Variants in MGAT4C observed in about 807,000 individuals in gnomAD.
MGAT4C encodes alpha-1,3-mannosyl-glycoprotein 4-beta-N-acetylglucosaminyltransferase C.
MGAT4C carries 19 observed loss-of-function variants against 40.1 expected under a neutral mutation model. That is an observed-to-expected ratio of 0.47 (90% CI 0.33 to 0.70). The LOEUF is 0.70. Among genes scored for constraint, MGAT4C ranks in the 30% least tolerant of loss-of-function variants. The pLI is 0.02. For synonymous variants in MGAT4C, 181 were observed against 187.1 expected (o/e 0.97, Z 0.27); for missense variants, 491 against 563.2 (o/e 0.87, Z 1.30).
At chr12:86,688,018 T>C (rs1783970441) in intron 2 of MGAT4C, among the ~76,000 whole-genome samples, 1 of 152,208 alleles carries the variant, frequency 6.6e-6, no homozygotes, top group African/African-American at 2.4e-5. Context: ...TGGGTGCTCC[T>C]GTACTGGGTG....
intron 2 of MGAT4C, among the ~76,000 whole-genome samples, chr12:86,625,338 C>A (rs924488180): frequency 6.6e-6 from 1 of 151,832 alleles, no homozygotes; most frequent in East Asian, 1.9e-4. Context: ...TGACAATGGA[C>A]TAATACACTA....
At chr12:86,042,006 G>A (rs1241822973) in intron 2 of MGAT4C, among the ~76,000 whole-genome samples, 1 of 152,144 alleles carries the variant, frequency 6.6e-6, no homozygotes, top group Non-Finnish European at 1.5e-5. Flanking sequence ...TGTGTTGGGT[G>A]TATATATATT....
chr12:86,731,197 G>C (rs1437309549), intron 1 of MGAT4C, among the ~76,000 whole-genome samples: 1 of 152,078 alleles, frequency 6.6e-6, no homozygotes. Flanking sequence ...GGTGGTAGCT[G>C]TTCTGTATAA....
At chr12:86,612,739 C>CAA (rs767088175) in intron 2 of MGAT4C, among the ~76,000 whole-genome samples, 148 of 58,378 alleles carry the variant, frequency 2.5e-3, no homozygotes, top group African/African-American at 5.7e-3. Flanking sequence ...GACTCTGTCT[C>CAA]AAAAAAAAAA....
intron 2 of MGAT4C, among the ~76,000 whole-genome samples, chr12:86,720,988 C>T (rs1005379477): frequency 2.0e-5 from 3 of 152,040 alleles, no homozygotes; most frequent in Admixed American, 6.6e-5. Context: ...CTTACATACT[C>T]ACATGAAAAA....
intron 1 of MGAT4C, among the ~76,000 whole-genome samples, chr12:86,235,124 A>G (rs1951479267): frequency 6.6e-6 from 1 of 151,976 alleles, no homozygotes; most frequent in Non-Finnish European, 1.5e-5. Flanking sequence ...GTTTATTTAT[A>G]TTTGTATGGC....
intron 2 of MGAT4C, among the ~76,000 whole-genome samples, chr12:86,480,630 A>ACATAT (rs1957921902): frequency 5.3e-5 from 8 of 151,482 alleles, no homozygotes; most frequent in East Asian, 3.9e-4. Context: ...ATGTATGTAT[A>ACATAT]AGTAGTTAAT....
chr12:86,124,697 G>A lies in MGAT4C; in HGVS notation c.-56-74974C>T, dbSNP rs562283115. Among the ~76,000 whole-genome samples the A allele has an allele frequency of 1.5e-3, 225 of 152,212 alleles. 1 individual carries two copies. The highest frequency in any genetic ancestry group is 5.2e-3 in the African/African-American group (218 of 41,552). On this transcript the variant is annotated intron_variant, in intron 1 of 4. Coordinates refer to ENST00000611864, the MANE Select transcript of MGAT4C (RefSeq NM_001351288.2). ...ACCAGATAGGCTATTCAGAGAGGTG[G>A]AAGAGGTTGCTTCAGGTACTAGGAT...
intron 1 of MGAT4C, among the ~76,000 whole-genome samples, chr12:86,242,069 A>G (rs1493420): frequency 0.83 from 126,861 of 152,070 alleles, 53,009 homozygotes; most frequent in East Asian, 0.95. Context: ...CACACTGCCC[A>G]GTTGCCTCCC....
At chr12:86,475,420 A>G (rs1391548197) in intron 2 of MGAT4C, among the ~76,000 whole-genome samples, 1 of 152,054 alleles carries the variant, frequency 6.6e-6, no homozygotes, top group Non-Finnish European at 1.5e-5. Flanking sequence ...GCATGCAGAA[A>G]AATGCATAAA....
intron 3 of MGAT4C, among the ~76,000 whole-genome samples, chr12:86,379,979 C>T (rs1420465654): frequency 6.6e-6 from 1 of 151,982 alleles, no homozygotes; most frequent in Non-Finnish European, 1.5e-5. Flanking sequence ...GCTAATAAAG[C>T]CAAGCATTAT....
intron 2 of MGAT4C, among the ~76,000 whole-genome samples, chr12:86,718,069 C>A (rs1254531218): frequency 6.6e-6 from 1 of 152,074 alleles, no homozygotes; most frequent in Non-Finnish European, 1.5e-5. Context: ...AGGTTGTATT[C>A]TCTATTGATA....
At chr12:85,987,116 ATTTTTTTTTTTTTTTTTTTTTT>A (rs869139864) in intron 3 of MGAT4C, among the ~76,000 whole-genome samples, 472 of 73,930 alleles carry the variant, frequency 6.4e-3, no homozygotes, top group African/African-American at 0.025. Flanking sequence ...TAAAATAATA[ATTTTTTTTTTTTTTTTTTTTTT>A]TTTTTTTTTT....
At chr12:86,257,008 C>T (rs1952538824), upstream of MGAT4C, among the ~76,000 whole-genome samples, 1 of 152,026 alleles carries the variant, frequency 6.6e-6, no homozygotes, top group Non-Finnish European at 1.5e-5. Flanking sequence ...AAGTTTATTA[C>T]ATGATATTAC....
intron 3 of MGAT4C, among the ~76,000 whole-genome samples, chr12:86,357,652 A>AAACCATGGC (rs1426796868): frequency 6.6e-6 from 1 of 152,206 alleles, no homozygotes; most frequent in African/African-American, 2.4e-5. Context: ...ATGGAGCTGA[A>AAACCATGGC]AACCATGGCA....
chr12:86,681,319 G>C (rs1248321826), intron 2 of MGAT4C, among the ~76,000 whole-genome samples: 3 of 151,824 alleles, frequency 2.0e-5, no homozygotes, highest in East Asian at 1.9e-4. Flanking sequence ...TTTAAAGGAG[G>C]CTGGTCTCTT....
intron 2 of MGAT4C, among the ~76,000 whole-genome samples, chr12:86,687,614 C>T (rs2136591129): frequency 6.6e-6 from 1 of 152,280 alleles, no homozygotes; most frequent in Non-Finnish European, 1.5e-5. Context: ...CATTCAGGAG[C>T]AGGTTGTTCA....
chr12:86,786,741 T>G (rs909531348), intron 1 of MGAT4C, among the ~76,000 whole-genome samples: 3 of 152,148 alleles, frequency 2.0e-5, no homozygotes, highest in African/African-American at 7.2e-5. Context: ...TTTAAAGGAA[T>G]AATCTTCTGT....
intron 3 of MGAT4C, among the ~76,000 whole-genome samples, chr12:86,382,332 G>C (rs1330059946): frequency 1.3e-5 from 2 of 152,206 alleles, no homozygotes; most frequent in Admixed American, 6.5e-5. Flanking sequence ...TGTTGAACTA[G>C]AGAAAGATGA....
Sources: gnomAD v4.1 joint callset for allele counts (sites outside exome capture counted in the v4.1 genomes callset) on GRCh38, gnomAD v4.1.1 for gene constraint, MANE v1.5 for transcripts, NCBI Gene and HGNC (gene_info 2026-07-23, HGNC 2026-07-21) for gene names.